The following TNRC6C variants were observed in gnomAD, a reference collection of about 807,000 sequenced individuals.
The protein encoded by TNRC6C is trinucleotide repeat-containing gene 6C protein.
In TNRC6C, 20 loss-of-function variants were observed where a neutral mutation model predicts 153.7. The ratio of observed to expected loss-of-function variants is 0.13; its 90% confidence interval spans 0.09 to 0.19. The LOEUF is 0.19. Ranked by LOEUF, TNRC6C falls within the 10% of genes least tolerant of loss-of-function variation. The probability of loss-of-function intolerance (pLI) is 1.00; values close to 1 mark genes in which losing one functional copy is unlikely to be tolerated. For synonymous variants in TNRC6C, 811 were observed against 841.4 expected (o/e 0.96, Z 0.63); for missense variants, 1,987 against 2,172.0 (o/e 0.91, Z 1.69).
intron 17 of TNRC6C, 94 bp downstream of exon 20, chr17:78,098,631 G>A: frequency 2.1e-6 from 3 of 1,396,268 alleles, no homozygotes; most frequent in Non-Finnish European, 2.9e-6. Context: ...AAGGACCCCT[G>A]CCTGTAACTC....
rs200772794 is a variant in TNRC6C at position 78,098,407 on chromosome 17, G to A, written c.4371G>A (p.Leu1457=). The change falls in exon 17 of 20, where the codon CTG becomes CTA. Residue 1457 remains leucine, a synonymous_variant. Transcript: ENST00000301624. The stretch of plus-strand genomic sequence containing the variant: ...CTACCTCCCACACGCAAGCCTCTCT[G>A]TCTCATGAACTATGGAAGGTGCCCA... 35 of 1,613,958 alleles carry A rather than the reference G, an allele frequency of 2.2e-5. No individual in the cohort carries two copies. In the African/African-American group the frequency reaches 4.0e-4, roughly 18 times the overall value.
At chr17:78,090,163 T>A (rs2073368741) in intron 13 of TNRC6C, among the ~76,000 whole-genome samples, 1 of 152,226 alleles carries the variant, frequency 6.6e-6, no homozygotes, top group Non-Finnish European at 1.5e-5. Flanking sequence ...TGTGTGTTAA[T>A]GCCAACATTC....
Position 78,049,492 on chromosome 17 carries a change from C to G in TNRC6C, c.430C>G (p.Pro144Ala). 2 of 1,614,020 alleles carry G rather than the reference C, an allele frequency of 1.2e-6. No individual in the cohort carries two copies. Among genetic ancestry groups the G allele is most frequent in the Non-Finnish European group, 1.7e-6 (2 of 1,179,884 alleles). The change falls in exon 3 of 20, where the codon CCA (proline) becomes GCA (alanine). Residue 144 changes from proline (P) to alanine (A), a missense_variant. Around this residue, in one of 4 missense-constraint regions of TNRC6C, gnomAD observed 1,052 missense variants for 1,017.0 expected, o/e 1.03. Transcript: ENST00000301624. The surrounding 1 kb of genome is among the most constrained non-coding windows in gnomAD (Gnocchi z 4.1). The stretch of plus-strand genomic sequence containing the variant: ...AAATATGGGCAACCAGAACGGGAAC[C>G]CAACAGGCACTTTAGGTGCTTGGGG...
chr17:77,987,280 A>G (rs1415893008), intron 1 of TNRC6C, among the ~76,000 whole-genome samples: 2 of 152,224 alleles, frequency 1.3e-5, no homozygotes, highest in East Asian at 3.8e-4. Flanking sequence ...AAGAATTGTA[A>G]ATTAAGGCCA....
chr17:78,099,536 A>G (rs1351309016), intron 17 of TNRC6C, among the ~76,000 whole-genome samples: 1 of 152,144 alleles, frequency 6.6e-6, no homozygotes, highest in East Asian at 1.9e-4. Flanking sequence ...TAAAACCATC[A>G]GCTCTCATGA....
At chr17:78,002,075 G>A (rs1245684485), upstream of TNRC6C, among the ~76,000 whole-genome samples, 1 of 151,598 alleles carries the variant, frequency 6.6e-6, no homozygotes, top group Non-Finnish European at 1.5e-5. Flanking sequence ...CCATTTAATT[G>A]ATACATTTGT....
chr17:77,989,243 G>C (rs1271456087), intron 1 of TNRC6C, among the ~76,000 whole-genome samples: 1 of 152,150 alleles, frequency 6.6e-6, no homozygotes, highest in African/African-American at 2.4e-5. Context: ...AGAGATCCTA[G>C]GTATTCTGTG....
At chr17:77,958,785 C>G (rs940211285), upstream of TNRC6C, among the ~76,000 whole-genome samples, 1 of 148,312 alleles carries the variant, frequency 6.7e-6, no homozygotes, top group East Asian at 2.0e-4. Flanking sequence ...GCCGCCGGCC[C>G]CGCCGCCGCG....
At chr17:78,106,683 T>C (rs1249242188) in exon 20 of TNRC6C, 2 of 152,036 alleles carry the variant, frequency 1.3e-5, no homozygotes, top group African/African-American at 2.4e-5. Flanking sequence ...GCTTTATATA[T>C]TAAAAATTGC....
chr17:77,982,295 T>C lies in TNRC6C; in HGVS notation c.-37-21875T>C, dbSNP rs569086125. 1.6e-4 allele frequency among the ~76,000 whole-genome samples: 24 copies of C among 152,094 alleles called. 1 individual carries two copies. The highest frequency in any genetic ancestry group is 4.1e-4 in the South Asian group (2 of 4,822). On this transcript the variant is annotated intron_variant, in intron 1 of 22. Coordinates refer to the TNRC6C transcript ENST00000636222. ...GTGCTAAGGCATCTATTATATATTA[T>C]GAATTAACTTCTTTACATTTAGAAT...
chr17:78,102,750 C>G, intron 18 of TNRC6C: 2 of 538,476 alleles, frequency 3.7e-6, no homozygotes, highest in East Asian at 6.5e-5. Flanking sequence ...CCTCTTTTAA[C>G]CATGTTCCTG....
chr17:77,990,938 A>G (rs1374603134), intron 1 of TNRC6C, among the ~76,000 whole-genome samples: 1 of 152,232 alleles, frequency 6.6e-6, no homozygotes, highest in Non-Finnish European at 1.5e-5. Flanking sequence ...TCTGAAATTG[A>G]CATGCATCTT....
chr17:78,105,003 C>G (rs764633316), exon 20 of TNRC6C: 30 of 964,882 alleles, frequency 3.1e-5, no homozygotes, highest in Non-Finnish European at 4.1e-5. Flanking sequence ...GCGAACTGTT[C>G]GCAAAACAGT....
In TNRC6C at chr17:78,006,015, C is replaced by G. The variant is rs187078514; in HGVS notation, c.-546+936C>G. ...ATGTACACAACTGTACATGTAGACACATGCACTCTCACAGCTAATACTATG... is the reference window on the plus strand; with the variant it reads ...ATGTACACAACTGTACATGTAGACAGATGCACTCTCACAGCTAATACTATG... On this transcript the variant is annotated intron_variant, in intron 1 of 19. Coordinates refer to ENST00000301624, the Ensembl canonical transcript of TNRC6C. 1.6e-4 allele frequency among the ~76,000 whole-genome samples: 25 copies of G among 152,156 alleles called. 1 individual carries two copies. Among genetic ancestry groups the G allele is most frequent in the Admixed American group, 6.5e-5 (1 of 15,280 alleles).
chr17:78,061,560 T>C (rs997702381), intron 3 of TNRC6C, among the ~76,000 whole-genome samples: 2 of 152,170 alleles, frequency 1.3e-5, no homozygotes, highest in African/African-American at 4.8e-5. Flanking sequence ...CAGGCATCTG[T>C]AATCTCAGCT....
At chr17:78,045,007 G>T (rs1278105533) in intron 2 of TNRC6C, among the ~76,000 whole-genome samples, 1 of 152,186 alleles carries the variant, frequency 6.6e-6, no homozygotes, top group East Asian at 1.9e-4. Context: ...GGACACAGAT[G>T]GCACCTCAAG....
At chr17:78,065,253 A>G (rs2072851468) in intron 4 of TNRC6C, among the ~76,000 whole-genome samples, 1 of 151,744 alleles carries the variant, frequency 6.6e-6, no homozygotes, top group Non-Finnish European at 1.5e-5. Context: ...TCGGGAGGCT[A>G]TGGTGGGAGA....
At chr17:78,082,862 A>AG (rs1440617842) in intron 10 of TNRC6C, among the ~76,000 whole-genome samples, 185 bp from the exon 13 acceptor site, 1 of 152,226 alleles carries the variant, frequency 6.6e-6, no homozygotes, top group Non-Finnish European at 1.5e-5. Flanking sequence ...GTCTTTACAC[A>AG]GTCCTGCATG....
chr17:78,072,982 A>ACCT, intron 6 of TNRC6C, 55 bp from the exon 9 acceptor site: 1 of 1,329,182 alleles, frequency 7.5e-7, no homozygotes, highest in Non-Finnish European at 1.0e-6. Flanking sequence ...ATTGTTTGTA[A>ACCT]CCTTTCCTTT....
Sources: gnomAD v4.1 joint callset for allele counts (sites outside exome capture counted in the v4.1 genomes callset) on GRCh38, gnomAD v4.1.1 for gene constraint, gnomAD v4.1.1 regional missense constraint, Gnocchi (gnomAD v3.1) non-coding constraint, MANE v1.5 for transcripts, NCBI Gene and HGNC (gene_info 2026-07-23, HGNC 2026-07-21) for gene names.